ANKFN1: variants seen among roughly 807,000 people sequenced by gnomAD.
ANKFN1 encodes ankyrin repeat and fibronectin type-III domain-containing protein 1.
A neutral mutation model predicts 108.7 loss-of-function variants in ANKFN1; 74 were observed. That is an observed-to-expected ratio of 0.68 (90% CI 0.56 to 0.83). The LOEUF is 0.83. Among genes scored for constraint, ANKFN1 ranks in the 40% least tolerant of loss-of-function variants. ANKFN1 has a pLI of 0.00. For synonymous variants in ANKFN1, 547 were observed against 516.2 expected (o/e 1.06, Z -0.81); for missense variants, 1,505 against 1,382.3 (o/e 1.09, Z -1.41).
At chr17:56,224,332 A>T (rs1364965206) in intron 2 of ANKFN1, among the ~76,000 whole-genome samples, 4 of 152,240 alleles carry the variant, frequency 2.6e-5, no homozygotes, top group African/African-American at 9.6e-5. Flanking sequence ...CCATAGCATT[A>T]AGTAAGTAAA....
intron 3 of ANKFN1, among the ~76,000 whole-genome samples, chr17:56,305,686 C>T (rs758520026): frequency 2.0e-5 from 3 of 152,134 alleles, no homozygotes; most frequent in Non-Finnish European, 4.4e-5. Flanking sequence ...TATGGATGTG[C>T]TTTTGGTGCC....
Position 56,457,909 on chromosome 17 carries a change from C to T in ANKFN1, c.1487C>T (p.Pro496Leu). The change falls in exon 14 of 21, where the codon CCA becomes CTA. Residue 496 changes from proline (P) to leucine (L), a missense_variant. By Grantham distance (98) the Pro-to-Leu change is moderately conservative. Coordinates refer to ENST00000682825, the MANE Select transcript of ANKFN1 (RefSeq NM_001370326.1). ...ATAAGGTGGCTGAGGCAAAGCATAC[C>T]AATATCCTCATCCTCATCCACAGTG... ...EDIRWLRQSI[P>L]ISSSSSTVLQ... is the part of the protein sequence containing the mutation. The T allele has an allele frequency of 6.2e-7, 1 of 1,614,000 alleles. No individual in the cohort carries two copies. Among genetic ancestry groups the T allele is most frequent in the Non-Finnish European group, 8.5e-7 (1 of 1,179,998 alleles).
chr17:56,256,053 G>T (rs1417463088), intron 3 of ANKFN1, among the ~76,000 whole-genome samples: 1 of 151,720 alleles, frequency 6.6e-6, no homozygotes, highest in Admixed American at 6.6e-5. Context: ...TAGTAATTTT[G>T]CCTGAAGAAA....
chr17:56,143,584 T>G (rs1440241679), intron 4 of ANKFN1, among the ~76,000 whole-genome samples: 3 of 152,160 alleles, frequency 2.0e-5, no homozygotes, highest in Non-Finnish European at 4.4e-5. Flanking sequence ...AAAAGATATA[T>G]CCAAACCCTA....
intron 4 of ANKFN1, among the ~76,000 whole-genome samples, chr17:56,337,291 G>A (rs571219120): frequency 3.3e-5 from 5 of 152,188 alleles, no homozygotes; most frequent in Admixed American, 6.6e-5. Context: ...CTTCTGTCTC[G>A]TCGATCTGTC....
chr17:56,067,274 G>A (rs770389852), intron 4 of ANKFN1, among the ~76,000 whole-genome samples: 4 of 152,046 alleles, frequency 2.6e-5, no homozygotes, highest in Admixed American at 6.5e-5. Context: ...TTATCCATCC[G>A]TGGACACTTG....
chr17:56,475,151 A>T (rs899835122), intron 15 of ANKFN1, among the ~76,000 whole-genome samples: 8 of 152,352 alleles, frequency 5.3e-5, no homozygotes, highest in African/African-American at 1.9e-4. Context: ...ACATAGCCTT[A>T]CCATTAATTT....
chr17:56,208,498 CA>C (rs1914713570), intron 1 of ANKFN1, among the ~76,000 whole-genome samples: 1 of 152,170 alleles, frequency 6.6e-6, no homozygotes, highest in African/African-American at 2.4e-5. Flanking sequence ...GGATAAGGTG[CA>C]AAATCTCCTA....
At chr17:56,144,185 A>G (rs56215887) in intron 4 of ANKFN1, among the ~76,000 whole-genome samples, 3 of 99,232 alleles carry the variant, frequency 3.0e-5, no homozygotes, top group Admixed American at 1.0e-4. Flanking sequence ...AAAAAAAAAA[A>G]CAGCCCAAAC....
intron 3 of ANKFN1, among the ~76,000 whole-genome samples, chr17:56,301,831 T>G (rs1291718210): frequency 6.6e-6 from 1 of 152,172 alleles, no homozygotes; most frequent in Admixed American, 6.5e-5. Context: ...TGGAAGAGAA[T>G]AGAAAACAAC....
chr17:56,094,566 T>C (rs57717854), intron 4 of ANKFN1, among the ~76,000 whole-genome samples: 20,063 of 142,714 alleles, frequency 0.14, 4,640 homozygotes, highest in African/African-American at 0.47. Flanking sequence ...TGCAGTGGCA[T>C]GATCTCAGCT....
chr17:56,391,368 A>ATGTGTG (rs199687714), intron 8 of ANKFN1, among the ~76,000 whole-genome samples: 162 of 128,732 alleles, frequency 1.3e-3, no homozygotes, highest in Admixed American at 3.8e-3. Context: ...ACATATATAT[A>ATGTGTG]TGTGTGTGTG....
intron 4 of ANKFN1, among the ~76,000 whole-genome samples, chr17:56,331,938 C>T (rs2045674304): frequency 6.6e-6 from 1 of 152,098 alleles, no homozygotes; most frequent in African/African-American, 2.4e-5. Context: ...CACAAGAAAA[C>T]ACATCTTGTT....
chr17:56,052,514 G>T (rs956183763), intron 4 of ANKFN1, among the ~76,000 whole-genome samples: 1 of 152,154 alleles, frequency 6.6e-6, no homozygotes, highest in African/African-American at 2.4e-5. Context: ...ACATTAGGAG[G>T]ACTTTCTAAA....
chr17:56,047,741 G>A (rs1904704409), intron 4 of ANKFN1, among the ~76,000 whole-genome samples: 1 of 152,122 alleles, frequency 6.6e-6, no homozygotes, highest in Non-Finnish European at 1.5e-5. Flanking sequence ...TAGCAAGAGG[G>A]CTCAGGTGGC....
At chr17:56,236,308 C>T (rs755577079) in intron 3 of ANKFN1, among the ~76,000 whole-genome samples, 13 of 152,130 alleles carry the variant, frequency 8.5e-5, no homozygotes, top group African/African-American at 2.7e-4. Flanking sequence ...CTGCCTGCCT[C>T]GGCCTCCTAA....
At chr17:56,108,272 G>A (rs1034075215) in intron 4 of ANKFN1, among the ~76,000 whole-genome samples, 2 of 152,166 alleles carry the variant, frequency 1.3e-5, no homozygotes, top group East Asian at 3.9e-4. Context: ...TTGACCTCGT[G>A]ATCTGCCCAC....
intron 1 of ANKFN1, among the ~76,000 whole-genome samples, chr17:56,208,292 A>T (rs1430635060): frequency 6.6e-6 from 1 of 152,182 alleles, no homozygotes; most frequent in Non-Finnish European, 1.5e-5. Flanking sequence ...AAGTGCTGGG[A>T]TTACAGGCAT....
At chr17:56,190,646 T>G (rs1299399898) in intron 1 of ANKFN1, among the ~76,000 whole-genome samples, 1 of 84,482 alleles carries the variant, frequency 1.2e-5, no homozygotes, top group Non-Finnish European at 2.2e-5. Flanking sequence ...TGTGGTCAAT[T>G]TTGGAATAGG....
Sources: gnomAD v4.1 joint callset for allele counts (sites outside exome capture counted in the v4.1 genomes callset) on GRCh38, gnomAD v4.1.1 for gene constraint, MANE v1.5 for transcripts, NCBI Gene and HGNC (gene_info 2026-07-23, HGNC 2026-07-21) for gene names.